Variants in ATL1 observed in about 807,000 individuals in gnomAD.
ATL1 encodes the protein atlastin GTPase 1.
ATL1 carries 31 observed loss-of-function variants against 75.5 expected under a neutral mutation model. The ratio of observed to expected loss-of-function variants is 0.41; its 90% CI spans 0.31 to 0.55. The LOEUF (loss-of-function observed/expected upper bound fraction) is 0.55, where lower values mean the gene tolerates loss of function less well. ATL1 is among the 20% of genes least tolerant of loss of function. The pLI, the probability that ATL1 is intolerant of heterozygous loss-of-function variation, is 0.27. For missense variants in ATL1, 405 were observed against 662.6 expected (o/e 0.61, Z 4.27); for synonymous variants, 226 against 233.3 (o/e 0.97, Z 0.28).
rs546750506 is a variant in ATL1, at chr14:50,591,710, T to A, written c.522+71T>A. On this transcript the variant is annotated intron_variant, in intron 4 of 13. Coordinates refer to ENST00000358385, the MANE Select transcript of ATL1 (RefSeq NM_015915.5). ...ATGAGTATATGTGTTTCTACATACA[T>A]GTTATAATTAGATAAACAACAGAAA... The A allele has an allele frequency of 5.6e-6, 6 of 1,076,366 alleles. No individual in the cohort carries two copies. The East Asian group carries it at 9.8e-5, about 18-fold the overall frequency. The allele number at this position is 1,076,366 out of a possible 1,614,324, so 66.7% of individuals were successfully genotyped here.
At chr14:50,574,052 T>G (rs1459664959) in intron 1 of ATL1, among the ~76,000 whole-genome samples, 2 of 152,194 alleles carry the variant, frequency 1.3e-5, no homozygotes, top group African/African-American at 4.8e-5. Flanking sequence ...AGTCACCTTG[T>G]GTACCTAATT....
chr14:50,552,069 A>G (rs2038709337), intron 1 of ATL1, among the ~76,000 whole-genome samples: 1 of 152,204 alleles, frequency 6.6e-6, no homozygotes, highest in African/African-American at 2.4e-5. Flanking sequence ...AGGAAGTCAA[A>G]CTGTTGCTGT....
chr14:50,629,092 G>A (rs960398444), intron 12 of ATL1, among the ~76,000 whole-genome samples: 5 of 152,192 alleles, frequency 3.3e-5, no homozygotes, highest in African/African-American at 1.2e-4. Flanking sequence ...ATTATGACTT[G>A]TGTTAACATT....
At chr14:50,591,120 C>G in intron 3 of ATL1, 45 bp downstream of exon 3, 7 of 1,581,672 alleles carry the variant, frequency 4.4e-6, no homozygotes, top group Non-Finnish European at 6.1e-6. Flanking sequence ...TCACTTATAA[C>G]AGTTACTACT....
At chr14:50,630,164 A>G (rs1270497799) in intron 13 of ATL1, among the ~76,000 whole-genome samples, 155 bp downstream of exon 13, 2 of 152,226 alleles carry the variant, frequency 1.3e-5, no homozygotes, top group African/African-American at 4.8e-5. Flanking sequence ...AATTTTTAAC[A>G]TGGTCTTAAA....
At chr14:50,605,665 T>A (rs2039311663) in intron 6 of ATL1, among the ~76,000 whole-genome samples, 1 of 152,060 alleles carries the variant, frequency 6.6e-6, no homozygotes, top group South Asian at 2.1e-4. Context: ...TAAAGGCCAC[T>A]AAATTGTTAA....
At chr14:50,578,542 C>T (rs1259261438) in intron 1 of ATL1, among the ~76,000 whole-genome samples, 1 of 152,160 alleles carries the variant, frequency 6.6e-6, no homozygotes, top group Non-Finnish European at 1.5e-5. Flanking sequence ...TCAACCTGCT[C>T]CATGCATATT....
In ATL1 at chr14:50,552,525, G is replaced by T. The variant is rs573594954; in HGVS notation, c.-139-7602G>T. Among the ~76,000 whole-genome samples, 729 of 152,094 alleles carry T rather than the reference G, an allele frequency of 4.8e-3. 2 individuals carry two copies. The highest frequency in any genetic ancestry group is 7.2e-3 in the Non-Finnish European group (487 of 67,964). ...GAACTAGAAAAATATCCTAAAATTT[G>T]TATGGAACCAAAAAAGAGCCCACAT... is the stretch of plus-strand genomic sequence containing the variant. On this transcript the variant is annotated intron_variant, in intron 1 of 13. Transcript: ENST00000441560.
chr14:50,550,406 T>A (rs544123760), intron 1 of ATL1, among the ~76,000 whole-genome samples: 1 of 152,352 alleles, frequency 6.6e-6, no homozygotes, highest in South Asian at 2.1e-4. Context: ...CAGCTGGTAA[T>A]GTCTTCTGAA....
chr14:50,562,211 A>AT (rs2038855217), intron 1 of ATL1, among the ~76,000 whole-genome samples: 1 of 151,900 alleles, frequency 6.6e-6, no homozygotes, highest in South Asian at 2.1e-4. Flanking sequence ...TGCCCGGCTA[A>AT]TTTTTTGTAT....
intron 1 of ATL1, among the ~76,000 whole-genome samples, chr14:50,534,181 T>C (rs1353653897): frequency 1.3e-5 from 2 of 152,250 alleles, no homozygotes; most frequent in Non-Finnish European, 2.9e-5. Context: ...AATATATTTA[T>C]TCTTACATGT....
intron 11 of ATL1, among the ~76,000 whole-genome samples, chr14:50,625,287 T>G (rs564846551): frequency 3.3e-5 from 5 of 152,094 alleles, no homozygotes; most frequent in African/African-American, 1.2e-4. Flanking sequence ...AGAAGAAAAG[T>G]TGGAAGCTAG....
At position 50,596,461 on chromosome 14, in the gene ATL1, G is replaced by A. The variant is rs572596200; in HGVS notation, c.630+829G>A. Among the ~76,000 whole-genome samples, 4 of 152,314 alleles carry A rather than the reference G, an allele frequency of 2.6e-5. No individual in the cohort carries two copies. The East Asian group carries it at 7.7e-4, about 29-fold the overall frequency. ...AAATGAGTAACAATACAGAAGATGT[G>A]AAACCTAGGGCTAACAAGCTTGCTT... is the stretch of plus-strand genomic sequence containing the variant. On this transcript the variant is annotated intron_variant, in intron 6 of 13. Transcript: ENST00000358385.
At chr14:50,601,072 C>T (rs1326793542) in intron 6 of ATL1, among the ~76,000 whole-genome samples, 1 of 152,130 alleles carries the variant, frequency 6.6e-6, no homozygotes, top group Non-Finnish European at 1.5e-5. Context: ...TGCACCGCTG[C>T]ACTCCAGCCT....
Position 50,560,249 on chromosome 14 carries a change from C to G in ATL1, c.-17C>G. ...GCGCAGTGACAGCGCCTCACCGCCA[C>G]CAGCTCCTGGACCACCATGGCCAAG... On this transcript the variant is annotated 5_prime_UTR_variant, in exon 1 of 14. Coordinates refer to ENST00000358385, the MANE Select transcript of ATL1 (RefSeq NM_015915.5). 6.2e-7 allele frequency: 1 copy of G among 1,613,814 alleles called. No individual in the cohort carries two copies. Among genetic ancestry groups the G allele is most frequent in the Non-Finnish European group, 8.5e-7 (1 of 1,179,836 alleles).
At chr14:50,567,741 C>G (rs1000106994) in intron 1 of ATL1, among the ~76,000 whole-genome samples, 2 of 152,046 alleles carry the variant, frequency 1.3e-5, no homozygotes, top group Admixed American at 1.3e-4. Flanking sequence ...TTTCTTTGAT[C>G]ATTTGTTGTT....
chr14:50,629,661 T>A (rs1180942637), intron 12 of ATL1, among the ~76,000 whole-genome samples: 1 of 151,250 alleles, frequency 6.6e-6, no homozygotes. Flanking sequence ...CTAGCTGAGA[T>A]AAACTAGTGG....
At chr14:50,574,326 A>G (rs112667879) in intron 1 of ATL1, among the ~76,000 whole-genome samples, 4,494 of 152,290 alleles carry the variant, frequency 0.03, 94 homozygotes, top group South Asian at 0.048. Context: ...CCTGTCTTCC[A>G]AAAGTCATGA....
At chr14:50,608,554 C>T (rs997987554) in intron 6 of ATL1, among the ~76,000 whole-genome samples, 8 of 151,906 alleles carry the variant, frequency 5.3e-5, no homozygotes, top group African/African-American at 1.7e-4. Context: ...GGAGTTGGAA[C>T]GTTGCCATTA....
Sources: gnomAD v4.1 joint callset for allele counts (sites outside exome capture counted in the v4.1 genomes callset) on GRCh38, gnomAD v4.1.1 for gene constraint, MANE v1.5 for transcripts, NCBI Gene and HGNC (gene_info 2026-07-23, HGNC 2026-07-21) for gene names.